JAKMIP2: variants seen among roughly 807,000 people sequenced by gnomAD.
JAKMIP2 encodes janus kinase and microtubule interacting protein 2.
Under a neutral mutation model 115.0 loss-of-function variants are expected in JAKMIP2, and 25 were observed. The ratio of observed to expected loss-of-function variants is 0.22; its 90% CI spans 0.16 to 0.30. The LOEUF is 0.30. JAKMIP2 is among the 10% of genes least tolerant of loss of function. The pLI is 1.00. For missense variants in JAKMIP2, 642 were observed against 957.6 expected (o/e 0.67, Z 4.35); for synonymous variants, 334 against 343.6 (o/e 0.97, Z 0.31).
At chr5:147,697,485 T>C (rs1752151246) in intron 1 of JAKMIP2, among the ~76,000 whole-genome samples, 1 of 152,150 alleles carries the variant, frequency 6.6e-6, no homozygotes, top group South Asian at 2.1e-4. Flanking sequence ...AGAATATGTC[T>C]CCAGGGCATG....
rs1053213170 is a variant in JAKMIP2 at position 147,731,674 on chromosome 5, C to T, written c.-149+50782G>A. On this transcript the variant is annotated intron_variant, in intron 1 of 21. Transcript: ENST00000616793. The stretch of plus-strand genomic sequence containing the variant: ...TAATCGTCATGTTTACCCAGGAAGA[C>T]CTTTGGATTTAGAGTCTCTGCAAGC... Among the ~76,000 whole-genome samples the T allele has an allele frequency of 3.3e-5, 5 of 152,176 alleles. No individual in the cohort carries two copies. The East Asian group carries it at 9.6e-4, about 29-fold the overall frequency.
intron 1 of JAKMIP2, among the ~76,000 whole-genome samples, chr5:147,764,890 G>GAAAGAA (rs1223437510): frequency 2.6e-4 from 8 of 31,188 alleles, no homozygotes; most frequent in African/African-American, 1.9e-3. Context: ...GTCTAAAAGG[G>GAAAGAA]AAAGAAAGAA....
At position 147,606,300 on chromosome 5, in the gene JAKMIP2, G is replaced by A. The variant is rs1756010187; in HGVS notation, c.2413-4489C>T. 3.9e-5 allele frequency among the ~76,000 whole-genome samples: 6 copies of A among 152,110 alleles called. 1 individual carries two copies. The highest frequency in any genetic ancestry group is 3.9e-4 in the Admixed American group (6 of 15,256). On this transcript the variant is annotated intron_variant, in intron 20 of 21. Coordinates refer to ENST00000616793, the MANE Select transcript of JAKMIP2 (RefSeq NM_001270941.2). Reference sequence around the variant, plus strand: ...GGTATTGCCTAGATTTTCTTCTAAGGTTTTTATGGTTTTAGGTCTTACGTT... The same window carrying A: ...GGTATTGCCTAGATTTTCTTCTAAGATTTTTATGGTTTTAGGTCTTACGTT...
At chr5:147,657,515 G>A (rs1758739384) in intron 3 of JAKMIP2, among the ~76,000 whole-genome samples, 1 of 152,110 alleles carries the variant, frequency 6.6e-6, no homozygotes, top group Non-Finnish European at 1.5e-5. Context: ...TCTTAGTGGT[G>A]TTCTCTGTAT....
At chr5:147,652,677 A>G (rs1282388405) in intron 3 of JAKMIP2, among the ~76,000 whole-genome samples, 2 of 152,182 alleles carry the variant, frequency 1.3e-5, no homozygotes, top group Non-Finnish European at 2.9e-5. Flanking sequence ...AAGGTGGCTC[A>G]GATTTACTTT....
Position 147,650,375 on chromosome 5 carries a change from C to G in JAKMIP2, c.800G>C (p.Gly267Ala). The G allele has an allele frequency of 6.2e-7, 1 of 1,613,778 alleles. No individual in the cohort carries two copies. Among genetic ancestry groups the G allele is most frequent in the Non-Finnish European group, 8.5e-7 (1 of 1,179,720 alleles). The change falls in exon 4 of 22, where the codon GGA becomes GCA. Residue 267 changes from glycine to alanine, a missense_variant. Gly to Ala is a moderately conservative substitution (Grantham distance 60). This residue lies in a region of JAKMIP2 where 439 missense variants were observed against 570.9 expected (regional missense o/e 0.77). Coordinates refer to ENST00000616793, the MANE Select transcript of JAKMIP2 (RefSeq NM_001270941.2). ...NMSSPKREIP[G>A]RAGDGSEHCS... The stretch of plus-strand genomic sequence containing the variant: ...GTGTTCGGAACCATCACCTGCCCTT[C>G]CTGGAATTTCTCGTTTTGGGCTGCT...
chr5:147,595,963 C>T (rs4705184), intron 21 of JAKMIP2, among the ~76,000 whole-genome samples: 143,743 of 152,122 alleles, frequency 0.94, 68,321 homozygotes, highest in Non-Finnish European at 1. Context: ...AAGAAAGATG[C>T]CCTTGTGGGA....
At chr5:147,713,077 C>T (rs183533101) in intron 1 of JAKMIP2, among the ~76,000 whole-genome samples, 4 of 152,242 alleles carry the variant, frequency 2.6e-5, no homozygotes, top group African/African-American at 7.2e-5. Context: ...ATATTAATAA[C>T]GTATTGTGTA....
At position 147,764,965 on chromosome 5, in the gene JAKMIP2, AGG is replaced by A. The variant is rs1253979005; in HGVS notation, c.-149+17489_-149+17490del. ...GAGAGAGGGAGAGAGAGAGAGAGAG[AGG>A]GGGAGAGAGAGAGAGAGAGAGAGGG... On this transcript the variant is annotated intron_variant, in intron 1 of 21. Coordinates refer to ENST00000616793, the MANE Select transcript of JAKMIP2 (RefSeq NM_001270941.2). Among the ~76,000 whole-genome samples, 140 of 44,498 alleles carry A rather than the reference AGG, an allele frequency of 3.1e-3. 9 individuals are homozygous for A. The highest frequency in any genetic ancestry group is 0.022 in the East Asian group (20 of 918). 29.2% of individuals were successfully genotyped at this position (44,498 alleles called of 152,430 possible). A position where few individuals can be genotyped will look rare whatever the true frequency, so the allele number is the denominator to read the frequency against.
chr5:147,684,371 A>G (rs1760472557), intron 1 of JAKMIP2, among the ~76,000 whole-genome samples: 1 of 152,008 alleles, frequency 6.6e-6, no homozygotes, highest in Non-Finnish European at 1.5e-5. Flanking sequence ...GGCCAAGACT[A>G]TATCTGGCTC....
Position 147,764,916 on chromosome 5 carries a change from A to AAGAG in JAKMIP2, c.-149+17539_-149+17540insCTCT, listed in dbSNP as rs1561582292. Among the ~76,000 whole-genome samples, 2 of 84,436 alleles carry AAGAG rather than the reference A, an allele frequency of 2.4e-5. 1 individual carries two copies. The highest frequency in any genetic ancestry group is 1.4e-4 in the African/African-American group (2 of 14,798). 55.4% of individuals were successfully genotyped at this position (84,436 alleles called of 152,430 possible). ...AAAGAAAGAAAGAAAGAAAGAAAGA[A>AAGAG]AGAAAGAGAGAGAGAGAGAGAGAGA... is the stretch of plus-strand genomic sequence containing the variant. On this transcript the variant is annotated intron_variant, in intron 1 of 21. Coordinates refer to ENST00000616793, the MANE Select transcript of JAKMIP2 (RefSeq NM_001270941.2).
chr5:147,721,492 A>G (rs893820302), intron 1 of JAKMIP2, among the ~76,000 whole-genome samples: 22 of 152,178 alleles, frequency 1.4e-4, no homozygotes, highest in Non-Finnish European at 2.9e-4. Flanking sequence ...TGTGCTAGCA[A>G]TCAGCGAGAC....
intron 1 of JAKMIP2, among the ~76,000 whole-genome samples, 188 bp downstream of exon 1, chr5:147,782,268 A>G (rs1377387919): frequency 6.6e-6 from 1 of 152,034 alleles, no homozygotes; most frequent in South Asian, 2.1e-4. Flanking sequence ...TTTAAACACA[A>G]GAGGTTGTCT....
intron 5 of JAKMIP2, among the ~76,000 whole-genome samples, chr5:147,646,617 G>A (rs1199482334): frequency 6.6e-6 from 1 of 151,674 alleles, no homozygotes; most frequent in East Asian, 1.9e-4. Flanking sequence ...GTTTGTGTGT[G>A]TATATATGTA....
chr5:147,614,953 A>G (rs981916603), intron 19 of JAKMIP2, among the ~76,000 whole-genome samples: 1 of 152,176 alleles, frequency 6.6e-6, no homozygotes, highest in African/African-American at 2.4e-5. Flanking sequence ...ATCTTCAGAG[A>G]GGCCTCCTCT....
intron 1 of JAKMIP2, among the ~76,000 whole-genome samples, chr5:147,749,555 G>A (rs140155439): frequency 6.6e-6 from 1 of 152,240 alleles, no homozygotes; most frequent in Admixed American, 6.5e-5. Context: ...GACACTCTGT[G>A]AGTTGTGCAT....
intron 1 of JAKMIP2, among the ~76,000 whole-genome samples, chr5:147,690,116 G>T (rs1235308434): frequency 2.0e-5 from 3 of 152,128 alleles, no homozygotes; most frequent in Non-Finnish European, 2.9e-5. Flanking sequence ...TTTGGAGGCT[G>T]AGGCGAGGGG....
chr5:147,608,354 A>G (rs911802248), intron 20 of JAKMIP2, among the ~76,000 whole-genome samples: 2 of 152,190 alleles, frequency 1.3e-5, no homozygotes, highest in Admixed American at 6.5e-5. Flanking sequence ...GCTGTGTCCC[A>G]GAGATTCTGT....
At chr5:147,675,001 C>T (rs1230912152) in intron 1 of JAKMIP2, among the ~76,000 whole-genome samples, 2 of 152,178 alleles carry the variant, frequency 1.3e-5, no homozygotes, top group East Asian at 1.9e-4. Context: ...CTGATGGAAT[C>T]GTGCCCAATT....
Sources: allele counts gnomAD v4.1 joint callset (sites outside exome capture counted in the v4.1 genomes callset), GRCh38; gene constraint gnomAD v4.1.1; regional missense constraint gnomAD v4.1.1; transcripts MANE v1.5; gene names NCBI Gene and HGNC (gene_info 2026-07-23, HGNC 2026-07-21).